Variants in TSEN2 observed in about 807,000 individuals in gnomAD.
TSEN2 encodes tRNA splicing endonuclease subunit 2, also known as tRNA-splicing endonuclease subunit Sen2.
Under a neutral mutation model 59.2 loss-of-function variants are expected in TSEN2, and 54 were observed. The ratio of observed to expected loss-of-function variants is 0.91; its 90% CI spans 0.73 to 1.14. The LOEUF (loss-of-function observed/expected upper bound fraction) is 1.14, where lower values mean the gene tolerates loss of function less well. Ranked by LOEUF, TSEN2 falls within the 50% of genes most tolerant of loss-of-function variation. TSEN2 has a pLI of 0.00. For missense variants in TSEN2, 636 were observed against 576.2 expected, an observed-to-expected ratio of 1.10 and a Z score of -1.06; for synonymous variants, 195 against 198.2, an observed-to-expected ratio of 0.98 and a Z score of 0.14.
At chr3:12,504,244 A>G (rs2054589317) in intron 5 of TSEN2, among the ~76,000 whole-genome samples, 1 of 152,182 alleles carries the variant, frequency 6.6e-6, no homozygotes, top group Admixed American at 6.6e-5. Flanking sequence ...TACCCATTCA[A>G]AGAAATATCA....
intron 5 of TSEN2, among the ~76,000 whole-genome samples, 158 bp from the exon 6 acceptor site, chr3:12,504,996 G>A (rs754785753): frequency 3.9e-5 from 6 of 152,082 alleles, no homozygotes; most frequent in East Asian, 1.9e-4. Flanking sequence ...GCAAGAGTCC[G>A]TCTCAAAAAA....
intron 6 of TSEN2, chr3:12,506,579 A>T: frequency 5.8e-6 from 1 of 173,046 alleles, no homozygotes; most frequent in Non-Finnish European, 9.9e-6. Flanking sequence ...ATCCTGTTTC[A>T]AAAAAAAAAA....
At chr3:12,523,551 T>TTTTTTTTTTTTTTTTTTTTTTTTTA (rs1491179125) in intron 8 of TSEN2, among the ~76,000 whole-genome samples, 1 of 133,828 alleles carries the variant, frequency 7.5e-6, no homozygotes, top group African/African-American at 3.4e-5. Context: ...TTTTTTTTTT[T>TTTTTTTTTTTTTTTTTTTTTTTTTA]GAGACAAAGT....
chr3:12,514,501 G>A (rs1289046640), intron 6 of TSEN2, among the ~76,000 whole-genome samples: 2 of 152,096 alleles, frequency 1.3e-5, no homozygotes, highest in African/African-American at 4.8e-5. Context: ...ACAGAAGGCA[G>A]GAAGGAGCCA....
chr3:12,480,671 C>T (rs2052182493), upstream of TSEN2, among the ~76,000 whole-genome samples: 1 of 151,274 alleles, frequency 6.6e-6, no homozygotes, highest in Non-Finnish European at 1.5e-5. Flanking sequence ...GCTGGGATTA[C>T]AGGCGCATCA....
At chr3:12,528,819 T>C in intron 8 of TSEN2, 69 bp from the exon 9 acceptor site, 1 of 1,548,362 alleles carries the variant, frequency 6.5e-7, no homozygotes, top group South Asian at 1.1e-5. Flanking sequence ...AGCAAGCTTT[T>C]TGTTGAGTCT....
At chr3:12,486,863 C>T (rs985195378) in intron 1 of TSEN2, among the ~76,000 whole-genome samples, 2 of 152,088 alleles carry the variant, frequency 1.3e-5, no homozygotes, top group Non-Finnish European at 2.9e-5. Context: ...AGAATGTATC[C>T]GAACTTCATT....
chr3:12,510,154 C>G (rs1468136444), intron 6 of TSEN2, among the ~76,000 whole-genome samples: 2 of 152,210 alleles, frequency 1.3e-5, no homozygotes, highest in African/African-American at 4.8e-5. Context: ...CAAAGAGCTG[C>G]TAACATCTAG....
intron 8 of TSEN2, among the ~76,000 whole-genome samples, chr3:12,519,813 A>T (rs1276862342): frequency 1.3e-5 from 2 of 152,156 alleles, no homozygotes; most frequent in Non-Finnish European, 2.9e-5. Context: ...AGATCGGGTA[A>T]TTTGGGAGAG....
chr3:12,496,226 A>G (rs2053733531), intron 3 of TSEN2, among the ~76,000 whole-genome samples: 1 of 152,246 alleles, frequency 6.6e-6, no homozygotes, highest in Non-Finnish European at 1.5e-5. Flanking sequence ...GCCATGGCAG[A>G]GAGGTTTCCT....
intron 10 of TSEN2, 102 bp downstream of exon 10, chr3:12,529,975 T>TCATA (rs1040605668): frequency 2.6e-5 from 40 of 1,525,770 alleles, no homozygotes; most frequent in Admixed American, 1.2e-4. Flanking sequence ...TGTAGAAACT[T>TCATA]CATAACATTC....
chr3:12,498,150 C>A (rs934677286), intron 4 of TSEN2, among the ~76,000 whole-genome samples: 3 of 151,696 alleles, frequency 2.0e-5, no homozygotes, highest in Admixed American at 2.0e-4. Flanking sequence ...GATATTTTGC[C>A]TCTTTTAAGG....
At chr3:12,492,041 C>T (rs530790768) in intron 2 of TSEN2, 95 bp from the exon 3 acceptor site, 1 of 1,063,186 alleles carries the variant, frequency 9.4e-7, no homozygotes, top group South Asian at 1.3e-5. Context: ...TGGAACCAGC[C>T]CCCTGTGGAT....
intron 4 of TSEN2, among the ~76,000 whole-genome samples, chr3:12,502,391 C>T (rs1391984688): frequency 6.6e-6 from 1 of 151,952 alleles, no homozygotes; most frequent in East Asian, 1.9e-4. Context: ...AAAAAATTAG[C>T]TGGGGGTGGT....
chr3:12,516,221 G>A (rs570384375), intron 6 of TSEN2, among the ~76,000 whole-genome samples: 6 of 152,056 alleles, frequency 3.9e-5, no homozygotes, highest in Non-Finnish European at 7.4e-5. Context: ...TCAGGAGATC[G>A]AGACCATCCT....
At chr3:12,539,530 T>C (rs540652504) in exon 11 of TSEN2, 4 of 168,274 alleles carry the variant, frequency 2.4e-5, no homozygotes, top group South Asian at 2.8e-4. Flanking sequence ...CATCCCCACT[T>C]TCTGTATGCA....
chr3:12,485,917 T>A (rs1436459958), intron 1 of TSEN2, among the ~76,000 whole-genome samples: 1 of 151,952 alleles, frequency 6.6e-6, no homozygotes, highest in Non-Finnish European at 1.5e-5. Flanking sequence ...CAACCAATGT[T>A]GCATCAAAAA....
At chr3:12,512,865 A>T (rs1356199157) in intron 6 of TSEN2, among the ~76,000 whole-genome samples, 1 of 152,224 alleles carries the variant, frequency 6.6e-6, no homozygotes, top group Non-Finnish European at 1.5e-5. Context: ...GGGATCTGTT[A>T]TTGAGATCTA....
At chr3:12,531,949 C>G (rs1025838185) in intron 11 of TSEN2, among the ~76,000 whole-genome samples, 4 of 152,200 alleles carry the variant, frequency 2.6e-5, no homozygotes, top group African/African-American at 9.6e-5. Context: ...CAGGCCAGGA[C>G]TTCTCACAGG....
Sources: allele counts gnomAD v4.1 joint callset (sites outside exome capture counted in the v4.1 genomes callset), GRCh38; gene constraint gnomAD v4.1.1; transcripts MANE v1.5; gene names NCBI Gene and HGNC (gene_info 2026-07-23, HGNC 2026-07-21).